Variants in KIF1B observed in about 807,000 individuals in gnomAD.
The protein encoded by KIF1B is kinesin family member 1B, also known as kinesin-like protein KIF1B.
KIF1B carries 76 observed loss-of-function variants against 241.9 expected under a neutral mutation model. That is an observed-to-expected ratio of 0.31 (90% CI 0.26 to 0.38). The LOEUF (loss-of-function observed/expected upper bound fraction) is 0.38, where lower values mean the gene tolerates loss of function less well. Among genes scored for constraint, KIF1B ranks in the 10% least tolerant of loss-of-function variants. The pLI, the probability that KIF1B is intolerant of heterozygous loss-of-function variation, is 1.00. For missense variants in KIF1B, 1,622 were observed against 2,271.4 expected (o/e 0.71, Z 5.81); for synonymous variants, 750 against 796.7 (o/e 0.94, Z 0.99).
At chr1:10,306,950 G>T in intron 22 of KIF1B, 2 of 1,042,850 alleles carry the variant, frequency 1.9e-6, no homozygotes, top group Non-Finnish European at 1.2e-6. Context: ...TAATACTGTA[G>T]AATGAAGAGT....
At chr1:10,236,443 G>A (rs1647053780) in intron 2 of KIF1B, among the ~76,000 whole-genome samples, 1 of 152,114 alleles carries the variant, frequency 6.6e-6, no homozygotes, top group African/African-American at 2.4e-5. Context: ...GTACAATTTC[G>A]GCAGGAGTAA....
chr1:10,252,522 C>A (rs1478560691), intron 2 of KIF1B, among the ~76,000 whole-genome samples: 1 of 151,796 alleles, frequency 6.6e-6, no homozygotes, highest in Non-Finnish European at 1.5e-5. Context: ...GGTGATCTTC[C>A]TACCTAAGCC....
intron 15 of KIF1B, among the ~76,000 whole-genome samples, chr1:10,290,347 A>T (rs1272385644): frequency 6.6e-6 from 1 of 151,990 alleles, no homozygotes; most frequent in East Asian, 1.9e-4. Context: ...GTAAATTGTC[A>T]CTTCAGTGTG....
intron 28 of KIF1B, 112 bp from the exon 29 acceptor site, chr1:10,336,545 G>A (rs762793551): frequency 3.6e-6 from 3 of 831,554 alleles, no homozygotes; most frequent in East Asian, 4.8e-5. Flanking sequence ...TTACTACTTT[G>A]GTATCATTCT....
chr1:10,321,744 T>C lies in KIF1B; in HGVS notation c.2245T>C (p.Trp749Arg), dbSNP rs551543997. The C allele has an allele frequency of 1.3e-3, 2,169 of 1,614,204 alleles. 40 individuals are homozygous for C. In the South Asian group the frequency reaches 0.022, roughly 16 times the overall value. ...WTQHEFELAQ[W>R]AFRKWKSHQF... is the part of the protein sequence containing the mutation. ...ACAGCATGAATTTGAGTTGGCCCAA[T>C]GGGCCTTCCGGAAATGGAAGTCTCA... is the stretch of plus-strand genomic sequence containing the variant. The change falls in exon 24 of 49, where the codon TGG (tryptophan) becomes CGG (arginine). Residue 749 changes from tryptophan (W) to arginine (R), a missense_variant. Trp to Arg is a moderately radical substitution (Grantham distance 101). Around this residue, in one of 7 missense-constraint regions of KIF1B, gnomAD observed 803 missense variants for 1,112.0 expected, o/e 0.72. Transcript: ENST00000676179.
chr1:10,249,010 A>T (rs1259231145), intron 2 of KIF1B, among the ~76,000 whole-genome samples: 2 of 152,220 alleles, frequency 1.3e-5, no homozygotes, highest in African/African-American at 4.8e-5. Flanking sequence ...TAATACTTTT[A>T]AAAGAGTTAT....
At chr1:10,224,025 A>T (rs865995375) in intron 1 of KIF1B, among the ~76,000 whole-genome samples, 17 of 151,816 alleles carry the variant, frequency 1.1e-4, no homozygotes, top group Non-Finnish European at 1.8e-4. Flanking sequence ...CTGGTCTTGA[A>T]CTCCTGAGCT....
intron 26 of KIF1B, 39 bp downstream of exon 26, chr1:10,324,934 T>C (rs1039673423): frequency 1.1e-5 from 18 of 1,611,078 alleles, no homozygotes; most frequent in Non-Finnish European, 1.4e-5. Context: ...TTTAAAATAA[T>C]GATTAGTTTT....
At chr1:10,265,637 GA>G in intron 5 of KIF1B, among the ~76,000 whole-genome samples, 1 of 152,196 alleles carries the variant, frequency 6.6e-6, no homozygotes, top group African/African-American at 2.4e-5. Context: ...TTGAGCCCAG[GA>G]GTTCAAGACC....
At chr1:10,316,498 T>C (rs1651310960) in intron 22 of KIF1B, among the ~76,000 whole-genome samples, 1 of 151,522 alleles carries the variant, frequency 6.6e-6, no homozygotes, top group Admixed American at 6.6e-5. Context: ...TGTTGTTTGT[T>C]GCTATTGTTG....
chr1:10,278,634 A>G (rs919164448), intron 13 of KIF1B: 12 of 186,732 alleles, frequency 6.4e-5, no homozygotes, highest in Admixed American at 3.2e-4. Flanking sequence ...CGTGCTGCCT[A>G]TGAACATATG....
chr1:10,377,069 C>T lies in KIF1B; in HGVS notation c.*482C>T. On this transcript the variant is annotated 3_prime_UTR_variant, in exon 49 of 49. Coordinates refer to ENST00000676179, the MANE Select transcript of KIF1B (RefSeq NM_001365951.3). ...TGTTTGTGATATCACTTTAATTTTT[C>T]TTGGGTGGCTTAGAGACTAAGGGAG... 4.0e-6 allele frequency: 1 copy of T among 252,070 alleles called. No individual in the cohort carries two copies. The highest frequency in any genetic ancestry group is 7.8e-6 in the Non-Finnish European group (1 of 127,422). The allele number at this position is 252,070 out of a possible 1,614,324, so 15.6% of individuals were successfully genotyped here.
chr1:10,264,446 G>A (rs1035200912), intron 5 of KIF1B, among the ~76,000 whole-genome samples: 1 of 152,180 alleles, frequency 6.6e-6, no homozygotes, highest in African/African-American at 2.4e-5. Flanking sequence ...CTTTTACCTA[G>A]ATTATTTGGG....
At chr1:10,216,031 C>T (rs1051529034) in intron 1 of KIF1B, among the ~76,000 whole-genome samples, 2 of 152,144 alleles carry the variant, frequency 1.3e-5, no homozygotes, top group African/African-American at 2.4e-5. Flanking sequence ...AAGCACTTTA[C>T]GTTTATTAAC....
Position 10,373,557 on chromosome 1 carries a change from AG to A in KIF1B, c.4947-758del, listed in dbSNP as rs202150646. Among the ~76,000 whole-genome samples, 1,474 of 152,120 alleles carry A rather than the reference AG, an allele frequency of 9.7e-3. 17 individuals are homozygous for A. The highest frequency in any genetic ancestry group is 0.033 in the African/African-American group (1,381 of 41,500). ...GCTAACTTGATTTCAAAAAAAAAAA[AG>A]AATGAAGTATGAGAAAAAGTTAAAA... On this transcript the variant is annotated intron_variant, in intron 45 of 48. Coordinates refer to ENST00000676179, the MANE Select transcript of KIF1B (RefSeq NM_001365951.3).
chr1:10,224,485 C>T lies in KIF1B; in HGVS notation c.-79-7765C>T, dbSNP rs573880902. ...CCAAACTGGAGTGCAGTGATGGAAT[C>T]ATGGCTAATTGCAGCCTCCAACTCC... On this transcript the variant is annotated intron_variant, in intron 1 of 48. Transcript: ENST00000676179. Among the ~76,000 whole-genome samples, 5 of 152,236 alleles carry T rather than the reference C, an allele frequency of 3.3e-5. No homozygotes were observed. The South Asian group carries it at 1.0e-3, about 32-fold the overall frequency.
intron 22 of KIF1B, among the ~76,000 whole-genome samples, 193 bp from the exon 23 acceptor site, chr1:10,319,850 A>G (rs771045064): frequency 1.3e-4 from 20 of 152,176 alleles, no homozygotes; most frequent in Non-Finnish European, 2.8e-4. Flanking sequence ...TACCCATTAC[A>G]GACCATCTTG....
At chr1:10,352,766 C>G (rs1219762343) in intron 38 of KIF1B, 30 bp downstream of exon 38, 15 of 1,510,914 alleles carry the variant, frequency 9.9e-6, no homozygotes, top group Non-Finnish European at 1.4e-5. Context: ...GTGAAGAAGT[C>G]CACACTTGCA....
At chr1:10,338,878 GCT>G (rs1244709459) in intron 31 of KIF1B, among the ~76,000 whole-genome samples, 2 of 152,250 alleles carry the variant, frequency 1.3e-5, no homozygotes, top group African/African-American at 4.8e-5. Flanking sequence ...GCAAAAGCAT[GCT>G]AGTGTTCTCA....
Sources: gnomAD v4.1 joint callset for allele counts (sites outside exome capture counted in the v4.1 genomes callset) on GRCh38, gnomAD v4.1.1 for gene constraint, gnomAD v4.1.1 regional missense constraint, MANE v1.5 for transcripts, NCBI Gene and HGNC (gene_info 2026-07-23, HGNC 2026-07-21) for gene names.